The following ZSCAN29 variants were observed in gnomAD, a reference collection of about 807,000 sequenced individuals.
ZSCAN29 encodes zinc finger and SCAN domain containing 29.
A neutral mutation model predicts 71.9 loss-of-function variants in ZSCAN29; 55 were observed. That is an observed-to-expected ratio of 0.76 (90% CI 0.62 to 0.96). The LOEUF is 0.96. ZSCAN29 is among the 40% of genes least tolerant of loss of function. The probability of loss-of-function intolerance (pLI) is 0.00; values close to 1 mark genes in which losing one functional copy is unlikely to be tolerated. For missense variants in ZSCAN29, 1,042 were observed against 1,042.2 expected, an observed-to-expected ratio of 1.00 and a Z score of 0.00; for synonymous variants, 351 against 371.6, an observed-to-expected ratio of 0.94 and a Z score of 0.64.
chr15:43,361,138 C>T lies in ZSCAN29; in HGVS notation c.2494G>A (p.Ala832Thr). 1 of 1,613,676 alleles carries T rather than the reference C, an allele frequency of 6.2e-7. No individual in the cohort carries two copies. The change falls in exon 6 of 6, where the codon GCC (alanine) becomes ACC (threonine). Residue 832 changes from alanine to threonine, a missense_variant. Ala to Thr is a moderately conservative substitution (Grantham distance 58). Coordinates refer to ENST00000684362, the MANE Select transcript of ZSCAN29 (RefSeq NM_001372080.1). ...DCGKCFSKSS[A>T]LNKHGEIHAR... ...TGGATTTCTCCGTGCTTATTAAGGG[C>T]AGAGCTTTTACTGAAGCACTTACCA...
rs2044074823 is a variant in ZSCAN29 at position 43,369,456 on chromosome 15, C to G, written c.318+140G>C. ...GGAAGCATCTCCAGACAAGCACTAT[C>G]TGAAAAAGTTACCTATACCAGACCA... On this transcript the variant is annotated intron_variant, in intron 2 of 5. Coordinates refer to ENST00000684362, the MANE Select transcript of ZSCAN29 (RefSeq NM_001372080.1). The G allele has an allele frequency of 5.5e-6, 5 of 906,688 alleles. No homozygotes were observed. The Admixed American group carries it at 1.4e-4, about 25-fold the overall frequency. The allele number at this position is 906,688 out of a possible 1,614,324, so 56.2% of individuals were successfully genotyped here.
chr15:43,364,752 G>A lies in ZSCAN29; in HGVS notation c.1223-370C>T, dbSNP rs559094162. 1.2e-4 allele frequency among the ~76,000 whole-genome samples: 18 copies of A among 152,008 alleles called. No homozygotes were observed. The East Asian group carries it at 3.3e-3, about 28-fold the overall frequency. ...AACACAGAAAAATTAGCCAGGCGTG[G>A]TGGTGTGCACCTATAGTCCCAGCTA... On this transcript the variant is annotated intron_variant, in intron 4 of 5. Coordinates refer to ENST00000684362, the MANE Select transcript of ZSCAN29 (RefSeq NM_001372080.1).
rs749601834 is a variant in ZSCAN29 at position 43,368,929 on chromosome 15, T to G, written c.517A>C (p.Arg173=). The part of the protein sequence containing the change: ...NPKEKLKPFQ[R]SGLPFPKSGV... The stretch of plus-strand genomic sequence containing the variant: ...ATATGAATCTACTCCTCACCGCTCC[T>G]TTGAAAAGGTTTGAGCTTCTCCTTT... The change falls in exon 3 of 6, where the codon AGG becomes CGG. Residue 173 remains arginine, a synonymous_variant. Transcript: ENST00000684362. 3.1e-6 allele frequency: 5 copies of G among 1,602,958 alleles called. No homozygotes were observed. Among genetic ancestry groups the G allele is most frequent in the Middle Eastern group, 2.1e-4 (1 of 4,836 alleles).
chr15:43,368,916 T>C lies in ZSCAN29; in HGVS notation c.523+7A>G, dbSNP rs1365462359. On this transcript the variant is annotated splice_region_variant and intron_variant, in intron 3 of 5. Transcript: ENST00000684362. ...AGTCTATCTTCCCATATGAATCTAC[T>C]CCTCACCGCTCCTTTGAAAAGGTTT... 1.3e-6 allele frequency: 2 copies of C among 1,590,732 alleles called. No individual in the cohort carries two copies. The highest frequency in any genetic ancestry group is 1.7e-6 in the Non-Finnish European group (2 of 1,168,818).
In ZSCAN29 at chr15:43,359,933, G is replaced by C. The variant is rs2043963412; in HGVS notation, c.*1140C>G. 6.6e-6 allele frequency: 1 copy of C among 152,232 alleles called. No homozygotes were observed. Among genetic ancestry groups the C allele is most frequent in the Non-Finnish European group, 1.5e-5 (1 of 68,046 alleles). The allele number at this position is 152,232 out of a possible 1,614,324, so 9.4% of individuals were successfully genotyped here. A position where few individuals can be genotyped will look rare whatever the true frequency, so the allele number is the denominator to read the frequency against. On this transcript the variant is annotated 3_prime_UTR_variant, in exon 6 of 6. Coordinates refer to ENST00000684362, the MANE Select transcript of ZSCAN29 (RefSeq NM_001372080.1). The stretch of plus-strand genomic sequence containing the variant: ...AAGATGATTCATAGGGCAGAACCAA[G>C]ATGGACATTAAACTCTCCTTCTTTA...
At chr15:43,365,967 G>A in intron 4 of ZSCAN29, 143 bp downstream of exon 4, 1 of 744,288 alleles carries the variant, frequency 1.3e-6, no homozygotes, top group Non-Finnish European at 2.2e-6. Context: ...AAAAGAGAAT[G>A]AAATACACAC....
At chr15:43,363,319 G>C (rs923480309) in intron 5 of ZSCAN29, among the ~76,000 whole-genome samples, 1 of 152,122 alleles carries the variant, frequency 6.6e-6, no homozygotes, top group Non-Finnish European at 1.5e-5. Flanking sequence ...ATAAACAACA[G>C]AGCCCAGATT....
Position 43,370,975 on chromosome 15 carries a change from A to ACCCCGGCCCCGGCCCCGGCCCCGG in ZSCAN29, c.-554_-531dup, listed in dbSNP as rs11279953. On this transcript the variant is annotated 5_prime_UTR_variant, in exon 1 of 6. Transcript: ENST00000684362. ...CTCACCCACTCGGGGTCCGACCCTG[A>ACCCCGGCCCCGGCCCCGGCCCCGG]CCCCGGCCCCGGCCCCGGCCCCGGC... 4,446 of 259,370 alleles carry ACCCCGGCCCCGGCCCCGGCCCCGG rather than the reference A, an allele frequency of 0.017. 79 individuals are homozygous for ACCCCGGCCCCGGCCCCGGCCCCGG. Among genetic ancestry groups the ACCCCGGCCCCGGCCCCGGCCCCGG allele is most frequent in the Middle Eastern group, 0.023 (17 of 736 alleles). 16.1% of individuals were successfully genotyped at this position (259,370 alleles called of 1,614,324 possible).
intron 3 of ZSCAN29, among the ~76,000 whole-genome samples, chr15:43,367,128 G>A (rs183804819): frequency 3.3e-5 from 5 of 152,294 alleles, no homozygotes; most frequent in African/African-American, 9.6e-5. Context: ...TTCACTTGGG[G>A]CTACAGAATT....
intron 4 of ZSCAN29, 28 bp downstream of exon 4, chr15:43,366,082 C>A: frequency 6.4e-7 from 1 of 1,563,490 alleles, no homozygotes; most frequent in Non-Finnish European, 8.7e-7. Context: ...AGTCTAATTC[C>A]AAAACTCCAA....
In ZSCAN29 at chr15:43,364,310, A is replaced by G. The variant is rs1203716081; in HGVS notation, c.1295T>C (p.Leu432Pro). 1 of 1,614,138 alleles carries G rather than the reference A, an allele frequency of 6.2e-7. No homozygotes were observed. The highest frequency in any genetic ancestry group is 8.5e-7 in the Non-Finnish European group (1 of 1,180,026). Residue 432 changes from leucine (L) to proline (P), a missense_variant, in exon 5 of 6, where the codon CTC becomes CCC. Transcript: ENST00000684362. ...CTGGCTGTTGCGGTGACAGTTCCGG[A>G]GGGCTTCATAAAACTGGGTCTCACT... ...ILSETQFYEA[L>P]RNCHRNSQLY...
In ZSCAN29 at chr15:43,363,183, T is replaced by C. The variant is rs181139254; in HGVS notation, c.1690+732A>G. Among the ~76,000 whole-genome samples the C allele has an allele frequency of 4.0e-3, 602 of 152,274 alleles. 3 individuals are homozygous for C. Among genetic ancestry groups the C allele is most frequent in the Non-Finnish European group, 7.7e-3 (523 of 68,012 alleles). On this transcript the variant is annotated intron_variant, in intron 5 of 5. Coordinates refer to ENST00000684362, the MANE Select transcript of ZSCAN29 (RefSeq NM_001372080.1). ...TAATAGAGATGGGGTTTCGCCGTGT[T>C]GGTCAGGCTGCTTTCCAACTCCCGA...
intron 2 of ZSCAN29, 87 bp downstream of exon 2, chr15:43,369,509 G>C: frequency 7.1e-7 from 1 of 1,399,374 alleles, no homozygotes; most frequent in Non-Finnish European, 9.8e-7. Context: ...AAGGGAGACT[G>C]TGTCCCTCTT....
rs1461866586 is a variant in ZSCAN29, at chr15:43,370,204, G to A, written c.-112-179C>T. 1.6e-5 allele frequency: 6 copies of A among 375,110 alleles called. No individual in the cohort carries two copies. In the East Asian group the frequency reaches 3.3e-4, roughly 20 times the overall value. The allele number at this position is 375,110 out of a possible 1,614,324, so 23.2% of individuals were successfully genotyped here. On this transcript the variant is annotated intron_variant, in intron 1 of 5. Coordinates refer to ENST00000684362, the MANE Select transcript of ZSCAN29 (RefSeq NM_001372080.1). ...ACTTCCAGGGCAGCCCCAGGAAGCA[G>A]CAGAGAATAAAAGTACTGTCTGCCC...
At chr15:43,363,777 T>C (rs937254765) in intron 5 of ZSCAN29, 138 bp downstream of exon 5, 77 of 792,376 alleles carry the variant, frequency 9.7e-5, no homozygotes, top group Non-Finnish European at 1.5e-4. Context: ...GCTGCTTTAA[T>C]AGACAAGAAA....
Position 43,367,018 on chromosome 15 carries a change from CAA to C in ZSCAN29, c.524-212_524-211del, listed in dbSNP as rs369051642. Among the ~76,000 whole-genome samples, 300 of 152,296 alleles carry C rather than the reference CAA, an allele frequency of 2.0e-3. 2 individuals are homozygous for C. The highest frequency in any genetic ancestry group is 6.7e-3 in the African/African-American group (279 of 41,562). ...TGTTTTATTTTCCAGAGCAGGGTGA[CAA>C]GAGAGGAAAGGATTCTGTTGTGTGT... On this transcript the variant is annotated intron_variant, in intron 3 of 5. Transcript: ENST00000684362.
At chr15:43,366,849 C>T in intron 3 of ZSCAN29, 41 bp from the exon 4 acceptor site, 2 of 1,526,362 alleles carry the variant, frequency 1.3e-6, no homozygotes, top group Non-Finnish European at 1.8e-6. Flanking sequence ...ATAGTTTGGA[C>T]TGATTATCAC....
At chr15:43,364,772 C>T (rs924613827) in intron 4 of ZSCAN29, among the ~76,000 whole-genome samples, 14 of 151,324 alleles carry the variant, frequency 9.3e-5, no homozygotes, top group Non-Finnish European at 1.0e-4. Context: ...CCTATAGTCC[C>T]AGCTACTTGG....
At chr15:43,365,818 A>G (rs1043973008) in intron 4 of ZSCAN29, among the ~76,000 whole-genome samples, 2 of 152,218 alleles carry the variant, frequency 1.3e-5, no homozygotes, top group East Asian at 1.9e-4. Flanking sequence ...GCCTGCTGCA[A>G]TGATTTTAAA....
Sources: allele counts gnomAD v4.1 joint callset (sites outside exome capture counted in the v4.1 genomes callset), GRCh38; gene constraint gnomAD v4.1.1; transcripts MANE v1.5; gene names NCBI Gene and HGNC (gene_info 2026-07-23, HGNC 2026-07-21).